Variants in AVIL observed in about 807,000 individuals in gnomAD.
The protein encoded by AVIL is advillin.
AVIL carries 78 observed loss-of-function variants against 109.9 expected under a neutral mutation model. The ratio of observed to expected loss-of-function variants is 0.71; its 90% CI spans 0.59 to 0.86. The LOEUF (loss-of-function observed/expected upper bound fraction) is 0.86. AVIL is among the 40% of genes least tolerant of loss of function. AVIL has a pLI of 0.00. For missense variants in AVIL, 892 were observed against 1,016.5 expected, an observed-to-expected ratio of 0.88 and a Z score of 1.67; for synonymous variants, 367 against 379.1, an observed-to-expected ratio of 0.97 and a Z score of 0.37.
At chr12:57,808,795 T>C in intron 9 of AVIL, 1 of 496,380 alleles carries the variant, frequency 2.0e-6, no homozygotes, top group Non-Finnish European at 3.6e-6. Flanking sequence ...TTAGGATGAT[T>C]ATGCTGTGTT....
chr12:57,816,698 TCC>T (rs1956104309), intron 1 of AVIL, among the ~76,000 whole-genome samples: 1 of 130,346 alleles, frequency 7.7e-6, no homozygotes, highest in Admixed American at 9.0e-5. Context: ...TTGGCTTTTG[TCC>T]TTTTTTTTTT....
intron 6 of AVIL, 44 bp from the exon 7 acceptor site, chr12:57,810,595 C>T (rs778304752): frequency 1.2e-5 from 20 of 1,603,154 alleles, no homozygotes; most frequent in Non-Finnish European, 1.7e-5. Flanking sequence ...TCTGGGACCC[C>T]TTTCTGCCTG....
chr12:57,814,120 A>G, intron 3 of AVIL, 32 bp downstream of exon 3: 1 of 1,608,730 alleles, frequency 6.2e-7, no homozygotes, highest in Non-Finnish European at 8.5e-7. Context: ...CCCAGGGGAG[A>G]GGCTCACAGG....
chr12:57,813,519 C>G, intron 3 of AVIL, 96 bp from the exon 4 acceptor site: 1 of 1,242,658 alleles, frequency 8.0e-7, no homozygotes, highest in Non-Finnish European at 1.1e-6. Flanking sequence ...TGTGCATGCC[C>G]TTGGCAGACT....
chr12:57,813,996 G>A (rs935964492), intron 3 of AVIL, among the ~76,000 whole-genome samples, 156 bp downstream of exon 3: 2 of 152,164 alleles, frequency 1.3e-5, no homozygotes, highest in Non-Finnish European at 2.9e-5. Flanking sequence ...GATGGCCTTT[G>A]ATAGTCAGAC....
chr12:57,816,206 G>C (rs1327192042), intron 1 of AVIL, 147 bp from the exon 2 acceptor site: 1 of 650,170 alleles, frequency 1.5e-6, no homozygotes, highest in Non-Finnish European at 2.6e-6. Context: ...CACAATGATG[G>C]GGGCAAGGAC....
chr12:57,799,471 T>C (rs1415905753), intron 19 of AVIL, among the ~76,000 whole-genome samples: 1 of 152,138 alleles, frequency 6.6e-6, no homozygotes. Flanking sequence ...ATTTTAAAGA[T>C]CTCTTTGGCT....
chr12:57,815,427 G>A, intron 2 of AVIL: 1 of 460,554 alleles, frequency 2.2e-6, no homozygotes, highest in Non-Finnish European at 3.4e-6. Flanking sequence ...CAGGGCAGGG[G>A]TTGGGGGGAA....
chr12:57,814,074 C>T, intron 3 of AVIL, 78 bp downstream of exon 3: 8 of 1,490,216 alleles, frequency 5.4e-6, no homozygotes, highest in Non-Finnish European at 7.4e-6. Flanking sequence ...TACCTTCCCT[C>T]ACCAGCACAT....
intron 6 of AVIL, 124 bp downstream of exon 6, chr12:57,810,692 T>G (rs1236073917): frequency 7.3e-7 from 1 of 1,371,302 alleles, no homozygotes; most frequent in Non-Finnish European, 1.0e-6. Flanking sequence ...ACTCACACAC[T>G]TGGCCTGTCT....
At chr12:57,817,767 C>T (rs1489097026) in intron 1 of AVIL, among the ~76,000 whole-genome samples, 1 of 152,086 alleles carries the variant, frequency 6.6e-6, no homozygotes, top group Non-Finnish European at 1.5e-5. Context: ...GCCAGGCACC[C>T]CGAATGCGAG....
In AVIL at chr12:57,807,719, T is replaced by C; in HGVS notation, c.1203A>G (p.Arg401=). 6.2e-7 allele frequency: 1 copy of C among 1,613,892 alleles called. No individual in the cohort carries two copies. The highest frequency in any genetic ancestry group is 8.5e-7 in the Non-Finnish European group (1 of 1,180,026). ...DDGNGKVEVW[R]IENLELVPVE... is the part of the protein sequence containing the mutation. ...CAGGGACCAGCTCCAGGTTCTCAAT[T>C]CTCCAGACCTGGGCATAGAAGGAGA... The change falls in exon 12 of 20, where the codon AGA becomes AGG. Residue 401 remains arginine (R), a synonymous_variant. Coordinates refer to ENST00000549994, the MANE Select transcript of AVIL (RefSeq NM_006576.4).
At chr12:57,816,879 G>A (rs916549333) in intron 1 of AVIL, among the ~76,000 whole-genome samples, 3 of 151,938 alleles carry the variant, frequency 2.0e-5, no homozygotes, top group Admixed American at 6.6e-5. Context: ...TCTGGCCTGC[G>A]GACAGATGGC....
chr12:57,808,587 G>A (rs1595169338), intron 9 of AVIL, 39 bp from the exon 10 acceptor site: 2 of 1,607,478 alleles, frequency 1.2e-6, no homozygotes, highest in African/African-American at 1.3e-5. Flanking sequence ...GTCAGTGGTG[G>A]AATACACTGA....
chr12:57,800,928 C>T (rs1164892235), intron 18 of AVIL, among the ~76,000 whole-genome samples: 2 of 152,152 alleles, frequency 1.3e-5, no homozygotes, highest in African/African-American at 4.8e-5. Flanking sequence ...TGTTTTTACA[C>T]AGCAAGTCTG....
Position 57,803,667 on chromosome 12 carries a change from C to A in AVIL, c.1674G>T (p.Gly558=), listed in dbSNP as rs1955895113. Residue 558 remains glycine (G), a splice_region_variant and synonymous_variant, in exon 15 of 20, where the codon GGG becomes GGT. Coordinates refer to ENST00000549994, the MANE Select transcript of AVIL (RefSeq NM_006576.4). ...CCATTGCCCGCTCATCCCCACTAGA[C>A]CCCTGAGAGTGGGGCGAGGAGAGCA... The part of the protein sequence containing the change: ...QAEHYLWYGK[G]SSGDERAMAK... The A allele has an allele frequency of 3.1e-6, 5 of 1,613,826 alleles. No individual in the cohort carries two copies. Among genetic ancestry groups the A allele is most frequent in the Non-Finnish European group, 4.2e-6 (5 of 1,179,972 alleles).
At position 57,807,344 on chromosome 12, in the gene AVIL, A is replaced by G. The variant is rs1176396035; in HGVS notation, c.1478T>C (p.Leu493Pro). The part of the protein sequence containing the change: ...RHFMAIFKGK[L>P]VIFEGGTSRK... ...GAGCATCCTCACCTCAAAGATAACTAGCTTCCCTTTGAAGATGGCCATGAA... is the reference window on the plus strand; with the variant it reads ...GAGCATCCTCACCTCAAAGATAACTGGCTTCCCTTTGAAGATGGCCATGAA... The change falls in exon 13 of 20, where the codon CTA (leucine) becomes CCA (proline). Residue 493 changes from leucine (L) to proline (P), a missense_variant. Physicochemically the swap from Leu to Pro is moderately conservative, Grantham distance 98. Transcript: ENST00000549994. 2 of 1,614,074 alleles carry G rather than the reference A, an allele frequency of 1.2e-6. No individual in the cohort carries two copies. Among genetic ancestry groups the G allele is most frequent in the Non-Finnish European group, 1.7e-6 (2 of 1,180,034 alleles).
At chr12:57,800,371 T>G (rs1227280022) in intron 18 of AVIL, 1 of 157,270 alleles carries the variant, frequency 6.4e-6, no homozygotes, top group Non-Finnish European at 1.4e-5. Flanking sequence ...CCAGATGGTT[T>G]GAACACCTGG....
At chr12:57,802,110 T>G in intron 17 of AVIL, 50 bp downstream of exon 17, 4 of 1,596,352 alleles carry the variant, frequency 2.5e-6, no homozygotes, top group Non-Finnish European at 3.4e-6. Context: ...CACTGAGCTG[T>G]TCTGAGCTAC....
Sources: gnomAD v4.1 joint callset for allele counts (sites outside exome capture counted in the v4.1 genomes callset) on GRCh38, gnomAD v4.1.1 for gene constraint, MANE v1.5 for transcripts, NCBI Gene and HGNC (gene_info 2026-07-23, HGNC 2026-07-21) for gene names.